The following HORMAD2 variants were observed in gnomAD, a reference collection of about 807,000 sequenced individuals.
HORMAD2 encodes the protein HORMA domain-containing protein 2.
A neutral mutation model predicts 38.8 loss-of-function variants in HORMAD2; 45 were observed. The ratio of observed to expected loss-of-function variants is 1.16; its 90% CI spans 0.91 to 1.49. HORMAD2 has a LOEUF of 1.49. Ranked by LOEUF, HORMAD2 falls within the 40% of genes most tolerant of loss-of-function variation. The probability of loss-of-function intolerance (pLI) is 0.00; values close to 1 mark genes in which losing one functional copy is unlikely to be tolerated. For synonymous variants in HORMAD2, 126 were observed against 122.8 expected, an observed-to-expected ratio of 1.03 and a Z score of -0.17; for missense variants, 338 against 367.0, an observed-to-expected ratio of 0.92 and a Z score of 0.65.
intron 7 of HORMAD2, among the ~76,000 whole-genome samples, chr22:30,114,202 A>C (rs1284055479): frequency 6.6e-6 from 1 of 152,212 alleles, no homozygotes. Context: ...TTGAGCTATC[A>C]TTTATGACCC....
chr22:30,082,613 C>T (rs1392333358), intron 1 of HORMAD2, among the ~76,000 whole-genome samples: 1 of 151,640 alleles, frequency 6.6e-6, no homozygotes, highest in African/African-American at 2.4e-5. Flanking sequence ...ACCCGCCCGC[C>T]CAACTCTACA....
intron 10 of HORMAD2, among the ~76,000 whole-genome samples, chr22:30,134,424 T>A: frequency 6.8e-6 from 1 of 147,470 alleles, no homozygotes; most frequent in South Asian, 2.1e-4. Flanking sequence ...TATTTATGAT[T>A]ATACTTAAAG....
intron 10 of HORMAD2, among the ~76,000 whole-genome samples, chr22:30,156,329 TA>T (rs1309050726): frequency 2.0e-5 from 3 of 152,182 alleles, no homozygotes; most frequent in Non-Finnish European, 4.4e-5. Context: ...CCCTTTGACC[TA>T]AAAAAGCATA....
chr22:30,176,451 A>G lies in HORMAD2; in HGVS notation c.*284A>G. On this transcript the variant is annotated 3_prime_UTR_variant, in exon 11 of 11. Transcript: ENST00000336726. The stretch of plus-strand genomic sequence containing the variant: ...TATATTATATTTGTAAAAGAACCAC[A>G]GCAGCTATTTTGGAAAGAAGCTGTT... The G allele has an allele frequency of 3.3e-6, 1 of 304,222 alleles. No individual in the cohort carries two copies. The highest frequency in any genetic ancestry group is 6.1e-6 in the Non-Finnish European group (1 of 163,482). 18.8% of individuals were successfully genotyped at this position (304,222 alleles called of 1,614,324 possible).
the HORMAD2 span, among the ~76,000 whole-genome samples, chr22:30,202,091 A>T: frequency 2.6e-5 from 4 of 152,226 alleles, no homozygotes; most frequent in Admixed American, 2.6e-4. Flanking sequence ...TACTAAGGGC[A>T]GTGAACTTAA....
At chr22:30,140,150 G>C (rs1923975554) in intron 10 of HORMAD2, among the ~76,000 whole-genome samples, 2 of 152,124 alleles carry the variant, frequency 1.3e-5, no homozygotes, top group Non-Finnish European at 2.9e-5. Flanking sequence ...TGTAATCCCA[G>C]CTACTTGGGG....
the HORMAD2 span, among the ~76,000 whole-genome samples, chr22:30,189,853 A>C: frequency 6.6e-6 from 1 of 151,936 alleles, no homozygotes; most frequent in East Asian, 1.9e-4. Flanking sequence ...CTCTCACACC[A>C]TGCCTCCCAT....
intron 10 of HORMAD2, chr22:30,137,116 A>AT: frequency 2.5e-6 from 1 of 396,424 alleles, no homozygotes; most frequent in South Asian, 2.8e-5. Flanking sequence ...ATGGTCTGCT[A>AT]TTTTTTAGCC....
chr22:30,162,376 C>T (rs1036156656), intron 10 of HORMAD2, among the ~76,000 whole-genome samples: 16 of 151,910 alleles, frequency 1.1e-4, no homozygotes, highest in African/African-American at 3.6e-4. Flanking sequence ...ACAGCAGCCA[C>T]TAGCCACATG....
intron 10 of HORMAD2, among the ~76,000 whole-genome samples, chr22:30,157,828 T>G (rs1321861887): frequency 2.0e-5 from 3 of 152,194 alleles, no homozygotes; most frequent in Non-Finnish European, 2.9e-5. Flanking sequence ...AGAAATTAGA[T>G]TTTTTAAAAA....
At chr22:30,102,445 C>T (rs1048821337) in intron 3 of HORMAD2, among the ~76,000 whole-genome samples, 2 of 152,178 alleles carry the variant, frequency 1.3e-5, no homozygotes, top group African/African-American at 4.8e-5. Context: ...ATGCTTAATA[C>T]TCCTGTGTCA....
At chr22:30,109,466 C>T (rs1268456929) in intron 5 of HORMAD2, among the ~76,000 whole-genome samples, 2 of 152,080 alleles carry the variant, frequency 1.3e-5, no homozygotes, top group Non-Finnish European at 2.9e-5. Context: ...CACAAGTGTG[C>T]ACCACTATGC....
intron 10 of HORMAD2, among the ~76,000 whole-genome samples, chr22:30,141,960 G>A (rs971175849): frequency 2.6e-4 from 40 of 151,970 alleles, no homozygotes; most frequent in African/African-American, 8.0e-4. Context: ...CTTAACATAC[G>A]GTTTACGGGC....
intron 2 of HORMAD2, among the ~76,000 whole-genome samples, chr22:30,096,736 T>C (rs1171493320): frequency 6.6e-6 from 1 of 152,222 alleles, no homozygotes; most frequent in Non-Finnish European, 1.5e-5. Flanking sequence ...CCCAAAGTGC[T>C]GGGATTGCAG....
chr22:30,134,799 A>G (rs1261976750), intron 10 of HORMAD2, among the ~76,000 whole-genome samples: 4 of 152,104 alleles, frequency 2.6e-5, no homozygotes, highest in Non-Finnish European at 5.9e-5. Flanking sequence ...GAGTCATCAT[A>G]GGAGGGTAGT....
intron 10 of HORMAD2, among the ~76,000 whole-genome samples, chr22:30,171,262 C>T (rs553012126): frequency 6.6e-6 from 1 of 152,296 alleles, no homozygotes; most frequent in East Asian, 1.9e-4. Context: ...GACCTCTTTC[C>T]TGAATTTCAG....
At chr22:30,093,309 G>T (rs751603478) in intron 1 of HORMAD2, among the ~76,000 whole-genome samples, 19 of 151,854 alleles carry the variant, frequency 1.3e-4, no homozygotes, top group Non-Finnish European at 2.6e-4. Context: ...TATTTTAATG[G>T]GTATGAAGTA....
chr22:30,111,152 C>CA (rs548430920), intron 5 of HORMAD2, among the ~76,000 whole-genome samples: 33,852 of 82,566 alleles, frequency 0.41, 5,377 homozygotes, highest in Middle Eastern at 0.64. Context: ...AAGACTCTGT[C>CA]AAAAAAAAAA....
intron 10 of HORMAD2, among the ~76,000 whole-genome samples, chr22:30,140,515 T>C (rs1015485964): frequency 7.9e-5 from 12 of 152,202 alleles, no homozygotes; most frequent in African/African-American, 2.9e-4. Flanking sequence ...TCAGTTTTGG[T>C]ATTTTGTGTA....
Sources: allele counts gnomAD v4.1 joint callset (sites outside exome capture counted in the v4.1 genomes callset), GRCh38; gene constraint gnomAD v4.1.1; transcripts MANE v1.5; gene names NCBI Gene and HGNC (gene_info 2026-07-23, HGNC 2026-07-21).